Variants in ADAM22 observed in about 807,000 individuals in gnomAD.
ADAM22 encodes the protein ADAM metallopeptidase domain 22.
Under a neutral mutation model 144.6 loss-of-function variants are expected in ADAM22, and 65 were observed. The ratio of observed to expected loss-of-function variants is 0.45; its 90% CI spans 0.37 to 0.55. The LOEUF (loss-of-function observed/expected upper bound fraction) is 0.55, where lower values mean the gene tolerates loss of function less well. Among genes scored for constraint, ADAM22 ranks in the 20% least tolerant of loss-of-function variants. The pLI is 0.00. For missense variants in ADAM22, 974 were observed against 1,184.9 expected, an observed-to-expected ratio of 0.82 and a Z score of 2.61; for synonymous variants, 391 against 412.6, an observed-to-expected ratio of 0.95 and a Z score of 0.63.
intron 31 of ADAM22, among the ~76,000 whole-genome samples, chr7:88,194,115 G>A (rs558070785): frequency 1.5e-4 from 23 of 152,344 alleles, no homozygotes; most frequent in African/African-American, 4.8e-4. Context: ...TGTTCATGAT[G>A]TCATGTGTGA....
At chr7:87,991,225 T>C (rs911160183) in intron 3 of ADAM22, among the ~76,000 whole-genome samples, 3 of 152,134 alleles carry the variant, frequency 2.0e-5, no homozygotes, top group Non-Finnish European at 2.9e-5. Flanking sequence ...TAGAATTGAT[T>C]TCTAGTTTTT....
intron 3 of ADAM22, among the ~76,000 whole-genome samples, chr7:87,990,244 C>A (rs192188199): frequency 6.6e-6 from 1 of 152,244 alleles, no homozygotes; most frequent in East Asian, 1.9e-4. Context: ...GAGGTATGGC[C>A]AGTGGCACTG....
At chr7:88,150,838 C>A in intron 18 of ADAM22, 143 bp from the exon 19 acceptor site, 1 of 583,900 alleles carries the variant, frequency 1.7e-6, no homozygotes, top group African/African-American at 1.9e-5. Flanking sequence ...TTGCTCTTGA[C>A]CTCCTTTGCA....
chr7:88,155,745 G>T lies in ADAM22; in HGVS notation c.1788-142G>T. 4 of 921,406 alleles carry T rather than the reference G, an allele frequency of 4.3e-6. No homozygotes were observed. In the South Asian group the frequency reaches 6.7e-5, roughly 15 times the overall value. The allele number at this position is 921,406 out of a possible 1,614,324, so 57.1% of individuals were successfully genotyped here. A position where few individuals can be genotyped will look rare whatever the true frequency, so the allele number is the denominator to read the frequency against. Reference sequence around the variant, plus strand: ...TTTAGAGCAGGTGGCACACTAATTTGGACTTATTTTATTTCACTTGGCATA... The same window carrying T: ...TTTAGAGCAGGTGGCACACTAATTTTGACTTATTTTATTTCACTTGGCATA... On this transcript the variant is annotated intron_variant, in intron 21 of 31. Coordinates refer to ENST00000413139, the MANE Select transcript of ADAM22 (RefSeq NM_001324418.2).
intron 7 of ADAM22, 39 bp from the exon 8 acceptor site, chr7:88,125,550 C>T: frequency 1.4e-6 from 2 of 1,477,746 alleles, no homozygotes; most frequent in Non-Finnish European, 1.9e-6. Context: ...AGAAATCTGA[C>T]AAATGCACTA....
chr7:88,085,212 T>A (rs1818110776), intron 4 of ADAM22, among the ~76,000 whole-genome samples: 1 of 152,178 alleles, frequency 6.6e-6, no homozygotes, highest in Non-Finnish European at 1.5e-5. Flanking sequence ...CTCTTGGGAC[T>A]GAAGTAAATG....
At chr7:87,990,012 G>A (rs1789408966) in intron 3 of ADAM22, among the ~76,000 whole-genome samples, 1 of 152,094 alleles carries the variant, frequency 6.6e-6, no homozygotes, top group African/African-American at 2.4e-5. Context: ...TATCAGAAGA[G>A]AATGTGTTTC....
At chr7:87,941,295 A>C (rs1842426249) in intron 2 of ADAM22, among the ~76,000 whole-genome samples, 1 of 152,210 alleles carries the variant, frequency 6.6e-6, no homozygotes, top group Non-Finnish European at 1.5e-5. Context: ...AAATGGCAGC[A>C]AGATGGCAAG....
chr7:87,961,154 T>C (rs2129445235), intron 2 of ADAM22, among the ~76,000 whole-genome samples: 1 of 151,798 alleles, frequency 6.6e-6, no homozygotes, highest in African/African-American at 2.4e-5. Flanking sequence ...CTCAGAGAAA[T>C]GACATTAGGA....
intron 4 of ADAM22, among the ~76,000 whole-genome samples, chr7:88,100,160 G>C (rs117044355): frequency 6.6e-6 from 1 of 152,068 alleles, no homozygotes; most frequent in Non-Finnish European, 1.5e-5. Context: ...ACTTTTCTGT[G>C]TATCAGAATT....
intron 23 of ADAM22, among the ~76,000 whole-genome samples, chr7:88,164,282 A>C (rs1394901641): frequency 6.6e-6 from 1 of 152,112 alleles, no homozygotes; most frequent in Non-Finnish European, 1.5e-5. Context: ...CAAGAGACCA[A>C]ACATAGTTGT....
At chr7:87,981,783 C>G (rs1853497873) in intron 3 of ADAM22, among the ~76,000 whole-genome samples, 1 of 151,956 alleles carries the variant, frequency 6.6e-6, no homozygotes, top group Non-Finnish European at 1.5e-5. Context: ...GGAAGAGTCT[C>G]ATCATGCTAT....
At chr7:87,982,670 C>CAGATATATATATATATATATATATATAT (rs1554373575) in intron 3 of ADAM22, among the ~76,000 whole-genome samples, 1 of 38,114 alleles carries the variant, frequency 2.6e-5, no homozygotes, top group African/African-American at 9.8e-5. Context: ...TCAGTTATTA[C>CAGATATATATATATATATATATATATAT]ATATATATAT....
intron 3 of ADAM22, among the ~76,000 whole-genome samples, chr7:88,010,192 A>T (rs1016218419): frequency 1.2e-4 from 18 of 152,210 alleles, no homozygotes; most frequent in African/African-American, 1.9e-4. Context: ...CCGTGAAAGG[A>T]CAGGCCATGG....
chr7:87,937,746 G>T (rs571430875), intron 2 of ADAM22, among the ~76,000 whole-genome samples: 19 of 152,302 alleles, frequency 1.2e-4, no homozygotes, highest in African/African-American at 4.6e-4. Context: ...AGAATGACTG[G>T]TTTTTGGTGA....
chr7:88,082,188 C>G (rs983907042), intron 4 of ADAM22, among the ~76,000 whole-genome samples: 5 of 152,088 alleles, frequency 3.3e-5, no homozygotes, highest in Admixed American at 3.3e-4. Context: ...CGCCGCATAT[C>G]TACAACTATC....
intron 3 of ADAM22, among the ~76,000 whole-genome samples, chr7:88,070,897 A>C (rs1051394102): frequency 6.6e-6 from 1 of 152,188 alleles, no homozygotes; most frequent in Admixed American, 6.6e-5. Flanking sequence ...GAGGGAGCAC[A>C]GTAGAGATGT....
At chr7:88,107,182 G>A (rs1824615532) in intron 4 of ADAM22, among the ~76,000 whole-genome samples, 1 of 147,204 alleles carries the variant, frequency 6.8e-6, no homozygotes, top group Non-Finnish European at 1.5e-5. Flanking sequence ...CTTTGCTGCT[G>A]CTCATGATTG....
chr7:87,968,514 A>T (rs768855749), intron 2 of ADAM22, among the ~76,000 whole-genome samples: 6 of 152,118 alleles, frequency 3.9e-5, no homozygotes, highest in Non-Finnish European at 7.4e-5. Flanking sequence ...TAGCCACTGC[A>T]CTCCAGCCTG....
Sources: allele counts gnomAD v4.1 joint callset (sites outside exome capture counted in the v4.1 genomes callset), GRCh38; gene constraint gnomAD v4.1.1; transcripts MANE v1.5; gene names NCBI Gene and HGNC (gene_info 2026-07-23, HGNC 2026-07-21).